The following TCF3 variants were observed in gnomAD, a reference collection of about 807,000 sequenced individuals.
TCF3 encodes the protein transcription factor 3.
A neutral mutation model predicts 72.3 loss-of-function variants in TCF3; 54 were observed. The observed-to-expected ratio is 0.75, with a 90% CI of 0.60 to 0.94. TCF3 has a LOEUF of 0.94. Ranked by LOEUF, TCF3 falls within the 40% of genes least tolerant of loss-of-function variation. The pLI, the probability that TCF3 is intolerant of heterozygous loss-of-function variation, is 0.00. For missense variants in TCF3, 1,078 were observed against 934.4 expected, an observed-to-expected ratio of 1.15 and a Z score of -2.00; for synonymous variants, 525 against 412.6, an observed-to-expected ratio of 1.27 and a Z score of -3.30.
In TCF3 at chr19:1,610,801, A is replaced by G. The variant is rs1043052166; in HGVS notation, c.*906T>C. The G allele has an allele frequency of 4.3e-6, 1 of 231,220 alleles. No homozygotes were observed. Among genetic ancestry groups the G allele is most frequent in the African/African-American group, 2.2e-5 (1 of 45,082 alleles). The allele number at this position is 231,220 out of a possible 1,614,324, so 14.3% of individuals were successfully genotyped here. A position where few individuals can be genotyped will look rare whatever the true frequency, so the allele number is the denominator to read the frequency against. ...GAGAGGATGCGGCAGGGAAGCCCCA[A>G]GGTGCCTTCATCAGGGAACGCCCAC... is the stretch of plus-strand genomic sequence containing the variant. On this transcript the variant is annotated 3_prime_UTR_variant, in exon 19 of 19. Transcript: ENST00000262965.
chr19:1,613,116 CTGGTGT>C (rs2061204417), intron 18 of TCF3, among the ~76,000 whole-genome samples: 1 of 151,752 alleles, frequency 6.6e-6, no homozygotes, highest in South Asian at 2.1e-4. Flanking sequence ...GGGTACACGG[CTGGTGT>C]TGGTGTGGGC....
At chr19:1,621,794 C>T in intron 11 of TCF3, 44 bp downstream of exon 11, 3 of 1,528,204 alleles carry the variant, frequency 2.0e-6, no homozygotes, top group Non-Finnish European at 2.6e-6. Context: ...TGCCTGGAGC[C>T]CAGTGTCCCC....
chr19:1,623,866 T>C (rs1038267236), intron 8 of TCF3, 85 bp downstream of exon 8: 12 of 1,416,498 alleles, frequency 8.5e-6, no homozygotes, highest in Admixed American at 1.8e-5. Context: ...CACCCCGCCA[T>C]GTGTGTTCCC....
chr19:1,619,932 T>C (rs2061986762), intron 13 of TCF3, 79 bp from the exon 14 acceptor site: 5 of 1,247,736 alleles, frequency 4.0e-6, no homozygotes, highest in East Asian at 2.6e-5. Context: ...GAGGGATTCA[T>C]GAACCACCCC....
At position 1,609,357 on chromosome 19, in the gene TCF3, C is replaced by A. The variant is rs1338599467; in HGVS notation, c.*2350G>T. 5.0e-6 allele frequency: 1 copy of A among 200,314 alleles called. No individual in the cohort carries two copies. The highest frequency in any genetic ancestry group is 2.3e-5 in the African/African-American group (1 of 43,364). The allele number at this position is 200,314 out of a possible 1,614,324, so 12.4% of individuals were successfully genotyped here. A position where few individuals can be genotyped will look rare whatever the true frequency, so the allele number is the denominator to read the frequency against. On this transcript the variant is annotated 3_prime_UTR_variant, in exon 19 of 19. Transcript: ENST00000262965. ...TATACAGGACAGGTCTCTGAATCCA[C>A]CTGAAAGAGGGTCGTTTTAAAGTCC...
Position 1,609,559 on chromosome 19 carries a change from C to G in TCF3, c.*2148G>C. The G allele has an allele frequency of 4.6e-6, 1 of 219,282 alleles. No individual in the cohort carries two copies. The highest frequency in any genetic ancestry group is 9.1e-6 in the Non-Finnish European group (1 of 109,732). 13.6% of individuals were successfully genotyped at this position (219,282 alleles called of 1,614,324 possible). On this transcript the variant is annotated 3_prime_UTR_variant, in exon 19 of 19. Coordinates refer to ENST00000262965, the MANE Select transcript of TCF3 (RefSeq NM_003200.5). ...AATCTCGTTTGAATTCTATGCAGAA[C>G]GCACAGTTCCAGAGGCTATGGGGCC...
rs114824477 is a variant in TCF3 at position 1,614,897 on chromosome 19, C to T, written c.1822+388G>A. On this transcript the variant is annotated intron_variant, in intron 18 of 18. Transcript: ENST00000262965. This position sits in a 1 kb window ranked among gnomAD's most constrained non-coding sequence, Gnocchi z 5.6. ...GCCAGGGTGGTTTGCACACCAGCTCCTGTCTCTGGGATCGGGGGACACTGG... is the reference window on the plus strand; with the variant it reads ...GCCAGGGTGGTTTGCACACCAGCTCTTGTCTCTGGGATCGGGGGACACTGG... Among the ~76,000 whole-genome samples, 597 of 152,252 alleles carry T rather than the reference C, an allele frequency of 3.9e-3. 7 individuals carry two copies. The highest frequency in any genetic ancestry group is 0.014 in the African/African-American group (571 of 41,540).
At chr19:1,623,335 T>C (rs1200346154) in intron 8 of TCF3, among the ~76,000 whole-genome samples, 1 of 150,540 alleles carries the variant, frequency 6.6e-6, no homozygotes, top group Non-Finnish European at 1.5e-5. Flanking sequence ...CGGGGCAGCC[T>C]GAAGCTGTGA....
chr19:1,609,666 G>A lies in TCF3; in HGVS notation c.*2041C>T, dbSNP rs1352389308. On this transcript the variant is annotated 3_prime_UTR_variant, in exon 19 of 19. Coordinates refer to ENST00000262965, the MANE Select transcript of TCF3 (RefSeq NM_003200.5). ...TTCCCTTAAGAGATCAAACTCCCAG[G>A]GCGTAGGGGAAGCCACCGAGAAGGG... 2 of 224,398 alleles carry A rather than the reference G, an allele frequency of 8.9e-6. No individual in the cohort carries two copies. The highest frequency in any genetic ancestry group is 1.8e-5 in the Non-Finnish European group (2 of 113,250). 13.9% of individuals were successfully genotyped at this position (224,398 alleles called of 1,614,324 possible).
chr19:1,644,163 G>A (rs531005663), intron 3 of TCF3, among the ~76,000 whole-genome samples: 3 of 152,360 alleles, frequency 2.0e-5, no homozygotes, highest in South Asian at 2.1e-4. Context: ...GGGCCCTGCC[G>A]GGATCCCTCC....
At chr19:1,638,367 T>G (rs1174407376) in intron 3 of TCF3, among the ~76,000 whole-genome samples, 1 of 150,796 alleles carries the variant, frequency 6.6e-6, no homozygotes, top group African/African-American at 2.5e-5. Context: ...TGTTTTTTTG[T>G]TTTTTTTGTT....
chr19:1,610,328 GC>G lies in TCF3; in HGVS notation c.*1378del. On this transcript the variant is annotated 3_prime_UTR_variant, in exon 19 of 19. Transcript: ENST00000262965. ...GGGAGGGCAGCAGGTGTGGCCCCAGGCCCAGGGATGCTCCCCAGCATTGGGG... is the reference window on the plus strand; with the variant it reads ...GGGAGGGCAGCAGGTGTGGCCCCAGGCCAGGGATGCTCCCCAGCATTGGGG... 1 of 231,880 alleles carries G rather than the reference GC, an allele frequency of 4.3e-6. No homozygotes were observed. The highest frequency in any genetic ancestry group is 8.5e-6 in the Non-Finnish European group (1 of 117,298). The allele number at this position is 231,880 out of a possible 1,614,324, so 14.4% of individuals were successfully genotyped here.
chr19:1,611,474 G>A lies in TCF3; in HGVS notation c.*233C>T. The A allele has an allele frequency of 2.0e-6, 1 of 501,702 alleles. No individual in the cohort carries two copies. The allele number at this position is 501,702 out of a possible 1,614,324, so 31.1% of individuals were successfully genotyped here. A position where few individuals can be genotyped will look rare whatever the true frequency, so the allele number is the denominator to read the frequency against. On this transcript the variant is annotated 3_prime_UTR_variant, in exon 19 of 19. Transcript: ENST00000262965. ...GAGTGACACGGTGGCTGAGATTCGG[G>A]GACAGGGGGAGCGAGGCCAGTGAGT...
intron 2 of TCF3, among the ~76,000 whole-genome samples, chr19:1,647,304 G>T (rs1230650387): frequency 2.0e-5 from 3 of 152,258 alleles, no homozygotes; most frequent in Admixed American, 6.5e-5. Context: ...CCAAGGGGCT[G>T]CGTTTTAAGG....
chr19:1,622,210 G>A lies in TCF3; in HGVS notation c.666C>T (p.His222=), dbSNP rs773039745. The change falls in exon 10 of 19, where the codon CAC becomes CAT. Residue 222 remains histidine, a synonymous_variant. Transcript: ENST00000262965. The part of the protein sequence containing the change: ...APFYVADGSL[H]PSAELWSPPG... ...GGGGACTCCAGAGCTCGGCTGAGGG[G>A]TGCAGGCTGCCATCTGTGGAGGGGA... The A allele has an allele frequency of 2.0e-5, 31 of 1,552,556 alleles. No individual in the cohort carries two copies. The highest frequency in any genetic ancestry group is 2.4e-5 in the Non-Finnish European group (28 of 1,150,246).
intron 3 of TCF3, among the ~76,000 whole-genome samples, chr19:1,640,740 C>G (rs182839298): frequency 6.6e-6 from 1 of 151,280 alleles, no homozygotes. Context: ...GGAGGCGGAG[C>G]TTGCAGTGAG....
At position 1,632,101 on chromosome 19, in the gene TCF3, T is replaced by C; in HGVS notation, c.235A>G (p.Thr79Ala). The change falls in exon 5 of 19, where the codon ACC becomes GCC. Residue 79 changes from threonine to alanine, a missense_variant. Physicochemically the swap from Thr to Ala is moderately conservative, Grantham distance 58 (BLOSUM62 0). Transcript: ENST00000262965. ...FDPSRTFSEGTHFTESHSSLS... is the reference protein window; with the variant it reads ...FDPSRTFSEGAHFTESHSSLS... ...CTGCTGTGCGACTCAGTGAAGTGGG[T>C]GCCCTCGCTGAAGGTCTAGGGGAGA... is the stretch of plus-strand genomic sequence containing the variant. The C allele has an allele frequency of 6.2e-7, 1 of 1,613,134 alleles. No individual in the cohort carries two copies. Among genetic ancestry groups the C allele is most frequent in the Non-Finnish European group, 8.5e-7 (1 of 1,179,722 alleles).
intron 16 of TCF3, among the ~76,000 whole-genome samples, chr19:1,617,152 TG>T (rs2061631651): frequency 6.6e-6 from 1 of 152,236 alleles, no homozygotes; most frequent in South Asian, 2.1e-4. Context: ...ATCTTGCCTG[TG>T]GGAGGGCAAC....
At chr19:1,635,532 C>T (rs555270711) in intron 3 of TCF3, among the ~76,000 whole-genome samples, 1 of 152,204 alleles carries the variant, frequency 6.6e-6, no homozygotes, top group South Asian at 2.1e-4. Flanking sequence ...CCTTCCCAGC[C>T]TGGGACCCCT....
Sources: allele counts gnomAD v4.1 joint callset (sites outside exome capture counted in the v4.1 genomes callset), GRCh38; gene constraint gnomAD v4.1.1; non-coding constraint Gnocchi (gnomAD v3.1); transcripts MANE v1.5; gene names NCBI Gene and HGNC (gene_info 2026-07-23, HGNC 2026-07-21).